OTUD7A: variants seen among roughly 807,000 people sequenced by gnomAD.
OTUD7A encodes the protein OTU deubiquitinase 7A, also known as OTU domain-containing protein 7A.
OTUD7A carries 12 observed loss-of-function variants against 65.7 expected under a neutral mutation model. The observed-to-expected ratio is 0.18, with a 90% CI of 0.12 to 0.30. The LOEUF (loss-of-function observed/expected upper bound fraction) is 0.30. Ranked by LOEUF, OTUD7A falls within the 10% of genes least tolerant of loss-of-function variation. The pLI is 1.00. For synonymous variants in OTUD7A, 641 were observed against 586.3 expected (o/e 1.09, Z -1.35); for missense variants, 1,148 against 1,304.8 (o/e 0.88, Z 1.85).
chr15:31,703,629 G>A (rs1254811682), intron 1 of OTUD7A, among the ~76,000 whole-genome samples: 3 of 152,136 alleles, frequency 2.0e-5, no homozygotes, highest in East Asian at 1.9e-4. Context: ...TTGTGGGAAC[G>A]AAAATGACAC....
At chr15:31,620,209 G>T (rs1890734564) in intron 3 of OTUD7A, among the ~76,000 whole-genome samples, 1 of 152,134 alleles carries the variant, frequency 6.6e-6, no homozygotes, top group Non-Finnish European at 1.5e-5. Flanking sequence ...GTTCATCAGG[G>T]ATATTAGTCT....
intron 1 of OTUD7A, among the ~76,000 whole-genome samples, chr15:31,809,359 C>T (rs959757563): frequency 2.0e-5 from 3 of 152,212 alleles, no homozygotes; most frequent in African/African-American, 7.2e-5. Flanking sequence ...CCATCAGAAT[C>T]TGGCTTGAGC....
chr15:31,653,227 C>A (rs1566961649), intron 3 of OTUD7A, among the ~76,000 whole-genome samples: 1 of 151,586 alleles, frequency 6.6e-6, no homozygotes, highest in Non-Finnish European at 1.5e-5. Context: ...TGCACTCCAG[C>A]CTGGGCTAGA....
intron 1 of OTUD7A, among the ~76,000 whole-genome samples, chr15:31,865,035 G>A (rs1420058466): frequency 1.1e-4 from 3 of 27,820 alleles, no homozygotes; most frequent in East Asian, 2.1e-3. Context: ...GCCCCCCCCT[G>A]GGGTTGTGCC....
intron 1 of OTUD7A, among the ~76,000 whole-genome samples, chr15:31,815,399 C>G (rs1896522358): frequency 6.6e-6 from 1 of 152,252 alleles, no homozygotes; most frequent in African/African-American, 2.4e-5. Flanking sequence ...GTTCTCCCAT[C>G]TGATCATCAC....
chr15:31,611,947 C>T (rs572074295), intron 3 of OTUD7A, among the ~76,000 whole-genome samples: 1 of 152,148 alleles, frequency 6.6e-6, no homozygotes, highest in African/African-American at 2.4e-5. Flanking sequence ...AAAAGATAAT[C>T]CACCATGATC....
chr15:31,643,325 C>T (rs1891572199), intron 3 of OTUD7A, among the ~76,000 whole-genome samples: 1 of 152,042 alleles, frequency 6.6e-6, no homozygotes, highest in South Asian at 2.1e-4. Flanking sequence ...CTATTTTTTT[C>T]TGTGTTTCAT....
intron 1 of OTUD7A, among the ~76,000 whole-genome samples, chr15:31,819,789 ATATAT>A (rs567065343): frequency 6.6e-6 from 1 of 151,898 alleles, no homozygotes; most frequent in Non-Finnish European, 1.5e-5. Flanking sequence ...ACAAGTCGTT[ATATAT>A]TATGTCATAT....
chr15:31,750,427 T>TAGTGC (rs928404003), intron 1 of OTUD7A, among the ~76,000 whole-genome samples: 14 of 121,142 alleles, frequency 1.2e-4, no homozygotes, highest in Admixed American at 2.6e-4. Flanking sequence ...AAAAAAGTCA[T>TAGTGC]AGTGCCCAAA....
At chr15:31,846,132 C>T (rs760048034) in intron 1 of OTUD7A, among the ~76,000 whole-genome samples, 1 of 152,238 alleles carries the variant, frequency 6.6e-6, no homozygotes, top group Non-Finnish European at 1.5e-5. Context: ...ACTCTCTCTA[C>T]CTCCTGTCTT....
At chr15:31,688,360 T>G (rs547844982) in intron 1 of OTUD7A, among the ~76,000 whole-genome samples, 4 of 152,174 alleles carry the variant, frequency 2.6e-5, no homozygotes, top group African/African-American at 4.8e-5. Context: ...AATCTAAGTA[T>G]GAGGAAATAA....
chr15:31,812,083 G>C (rs912023614), intron 1 of OTUD7A, among the ~76,000 whole-genome samples: 7 of 152,234 alleles, frequency 4.6e-5, no homozygotes. Flanking sequence ...GGAAGCAGCA[G>C]GGGTTGAGGG....
At chr15:31,524,179 C>T (rs1309880564) in intron 8 of OTUD7A, among the ~76,000 whole-genome samples, 1 of 151,854 alleles carries the variant, frequency 6.6e-6, no homozygotes, top group Non-Finnish European at 1.5e-5. Flanking sequence ...CTGGAAACAC[C>T]TGTTGCTGAA....
chr15:31,496,408 G>C (rs1213467122), intron 10 of OTUD7A, among the ~76,000 whole-genome samples: 2 of 152,020 alleles, frequency 1.3e-5, no homozygotes, highest in African/African-American at 2.4e-5. Context: ...TTTTTTAGTA[G>C]AGACGGGGTT....
chr15:31,674,824 C>A (rs1383563501), intron 1 of OTUD7A, among the ~76,000 whole-genome samples: 1 of 152,146 alleles, frequency 6.6e-6, no homozygotes, highest in Non-Finnish European at 1.5e-5. Context: ...ATAACATCTG[C>A]AAGTCCACCC....
chr15:31,857,432 C>A (rs1031799926), intron 1 of OTUD7A, among the ~76,000 whole-genome samples: 6 of 152,124 alleles, frequency 3.9e-5, no homozygotes, highest in Non-Finnish European at 8.8e-5. Flanking sequence ...CCAGGCCTGG[C>A]CTGGGCACTC....
rs1892011865 is a variant in OTUD7A at position 31,656,988 on chromosome 15, G to A, written c.-10C>T. 6.5e-6 allele frequency: 1 copy of A among 152,688 alleles called. No homozygotes were observed. 9.5% of individuals were successfully genotyped at this position (152,688 alleles called of 1,614,324 possible). The stretch of plus-strand genomic sequence containing the variant: ...AAAGAAGAAAATTATTTGACCTGAT[G>A]TATATGGTACCAATTAGGAAATTGA... On this transcript the variant is annotated 5_prime_UTR_variant, in exon 2 of 13. Coordinates refer to ENST00000307050, the MANE Select transcript of OTUD7A (RefSeq NM_001382637.1).
chr15:31,650,495 C>A (rs1595685246), intron 3 of OTUD7A, among the ~76,000 whole-genome samples: 1 of 124,642 alleles, frequency 8.0e-6, no homozygotes, highest in South Asian at 2.4e-4. Flanking sequence ...TAGATTACCA[C>A]CAGAGTCCCA....
Position 31,822,325 on chromosome 15 carries a change from C to T in OTUD7A, c.-100+48182G>A, listed in dbSNP as rs556865200. ...GCGCTGCTCTCTGGGGGCAGGCATA[C>T]CCTAGACCCAGCTGCACCTGACTGG... On this transcript the variant is annotated intron_variant, in intron 1 of 12. Coordinates refer to ENST00000307050, the MANE Select transcript of OTUD7A (RefSeq NM_001382637.1). Among the ~76,000 whole-genome samples the T allele has an allele frequency of 3.9e-5, 6 of 152,308 alleles. No homozygotes were observed. In the East Asian group the frequency reaches 1.2e-3, roughly 29 times the overall value.
Sources: allele counts gnomAD v4.1 joint callset (sites outside exome capture counted in the v4.1 genomes callset), GRCh38; gene constraint gnomAD v4.1.1; transcripts MANE v1.5; gene names NCBI Gene and HGNC (gene_info 2026-07-23, HGNC 2026-07-21).